Variants in GSE1 observed in about 807,000 individuals in gnomAD.
GSE1 encodes Gse1 coiled-coil protein, also known as genetic suppressor element 1.
In GSE1, 32 loss-of-function variants were observed where a neutral mutation model predicts 112.6. The observed-to-expected ratio is 0.28, with a 90% CI of 0.21 to 0.38. The LOEUF (loss-of-function observed/expected upper bound fraction) is 0.38. Among genes scored for constraint, GSE1 ranks in the 10% least tolerant of loss-of-function variants. GSE1 has a pLI of 1.00. For missense variants in GSE1, 2,348 were observed against 1,699.2 expected, an observed-to-expected ratio of 1.38 and a Z score of -6.71; for synonymous variants, 1,115 against 735.6, an observed-to-expected ratio of 1.52 and a Z score of -8.35.
intron 2 of GSE1, among the ~76,000 whole-genome samples, chr16:85,424,331 A>G (rs913446590): frequency 3.3e-5 from 5 of 152,326 alleles, no homozygotes; most frequent in African/African-American, 1.2e-4. Context: ...GTCGCCGCTT[A>G]AAACATTTCA....
intron 1 of GSE1, among the ~76,000 whole-genome samples, chr16:85,236,465 C>T (rs995098952): frequency 6.6e-6 from 1 of 152,198 alleles, no homozygotes; most frequent in Non-Finnish European, 1.5e-5. Flanking sequence ...TAGGAATGAG[C>T]GGAGGCAAGC....
chr16:85,636,303 G>C (rs564377106), intron 2 of GSE1, among the ~76,000 whole-genome samples: 1 of 152,358 alleles, frequency 6.6e-6, no homozygotes, highest in South Asian at 2.1e-4. Context: ...CTATTGAGCT[G>C]GGAATGCCAA....
intron 1 of GSE1, among the ~76,000 whole-genome samples, chr16:85,298,863 G>T (rs565378655): frequency 1.3e-5 from 2 of 152,366 alleles, no homozygotes; most frequent in Admixed American, 6.5e-5. Context: ...GAGTGGGTGT[G>T]GGGGAGCATA....
chr16:85,374,335 CTGTG>C (rs1344563694), intron 2 of GSE1, among the ~76,000 whole-genome samples: 8 of 112,158 alleles, frequency 7.1e-5, no homozygotes, highest in African/African-American at 2.2e-4. Context: ...CAGTGTGCCT[CTGTG>C]TGGTCGCGCG....
intron 1 of GSE1, among the ~76,000 whole-genome samples, chr16:85,249,376 C>T (rs1422871513): frequency 6.6e-6 from 1 of 152,248 alleles, no homozygotes; most frequent in East Asian, 1.9e-4. Flanking sequence ...GACTGTGGCA[C>T]TTGCGGAGGC....
intron 2 of GSE1, among the ~76,000 whole-genome samples, chr16:85,533,383 G>A (rs111393639): frequency 1.3e-5 from 2 of 152,048 alleles, no homozygotes; most frequent in Non-Finnish European, 1.5e-5. Context: ...TCGCACCATT[G>A]CACTCCAGCC....
In GSE1 at chr16:85,616,994, T is replaced by A. The variant is rs537228391; in HGVS notation, c.7+3596T>A. Among the ~76,000 whole-genome samples the A allele has an allele frequency of 9.2e-5, 14 of 152,166 alleles. No homozygotes were observed. The East Asian group carries it at 2.5e-3, about 27-fold the overall frequency. ...TTAATCTTGCTTCTGCAGCTCTGAT[T>A]CCCCACCAGCCTCTTCTCTCACGCC... On this transcript the variant is annotated intron_variant, in intron 1 of 15. Coordinates refer to ENST00000253458, the MANE Select transcript of GSE1 (RefSeq NM_014615.5).
chr16:85,226,385 GA>G (rs1301132730), intron 1 of GSE1, among the ~76,000 whole-genome samples: 1 of 152,150 alleles, frequency 6.6e-6, no homozygotes, highest in Non-Finnish European at 1.5e-5. Flanking sequence ...TTGATTTAAG[GA>G]AAATTATGAA....
At chr16:85,648,083 G>C (rs1258733849) in intron 2 of GSE1, among the ~76,000 whole-genome samples, 4 of 150,898 alleles carry the variant, frequency 2.7e-5, no homozygotes, top group Admixed American at 2.0e-4. Context: ...GTGTGGCCCA[G>C]CTGGCCTGTG....
chr16:85,480,940 C>G (rs962273498), intron 2 of GSE1, among the ~76,000 whole-genome samples: 1 of 152,230 alleles, frequency 6.6e-6, no homozygotes, highest in African/African-American at 2.4e-5. Context: ...GGGAGCAGCG[C>G]GTGCAGAACC....
intron 1 of GSE1, among the ~76,000 whole-genome samples, chr16:85,591,343 A>G (rs940182685): frequency 5.3e-5 from 8 of 152,222 alleles, no homozygotes; most frequent in African/African-American, 1.7e-4. Flanking sequence ...AGCCTGAATT[A>G]GAACTGAGGG....
At chr16:85,526,797 A>C (rs945521367) in intron 2 of GSE1, among the ~76,000 whole-genome samples, 3 of 152,230 alleles carry the variant, frequency 2.0e-5, no homozygotes. Flanking sequence ...ACCAGAGCCG[A>C]TAATTAGCTT....
upstream of GSE1, among the ~76,000 whole-genome samples, chr16:85,612,321 T>G (rs1055184169): frequency 1.1e-4 from 17 of 151,832 alleles, no homozygotes; most frequent in Admixed American, 5.9e-4. Flanking sequence ...CCGCGCCGCC[T>G]GTGGGTGCCC....
intron 1 of GSE1, among the ~76,000 whole-genome samples, chr16:85,203,395 A>G (rs1418969854): frequency 6.6e-6 from 1 of 152,152 alleles, no homozygotes; most frequent in Non-Finnish European, 1.5e-5. Context: ...CCCTGGCAAC[A>G]GTGGTGAGCG....
At chr16:85,255,320 C>A (rs1175311089) in intron 1 of GSE1, among the ~76,000 whole-genome samples, 1 of 152,178 alleles carries the variant, frequency 6.6e-6, no homozygotes, top group African/African-American at 2.4e-5. Context: ...GCCTGACCCG[C>A]TGCCTTCTGG....
chr16:85,426,876 A>G (rs1350578533), intron 2 of GSE1, among the ~76,000 whole-genome samples: 1 of 152,074 alleles, frequency 6.6e-6, no homozygotes, highest in Non-Finnish European at 1.5e-5. Flanking sequence ...TTTTGTAGGG[A>G]GAAGTGCTTG....
intron 2 of GSE1, among the ~76,000 whole-genome samples, chr16:85,538,533 A>T (rs138809478): frequency 6.6e-6 from 1 of 152,146 alleles, no homozygotes; most frequent in Admixed American, 6.5e-5. Flanking sequence ...CTTTTCTCTG[A>T]CGGTGCTTGT....
At chr16:85,428,546 T>G (rs1421666491) in intron 2 of GSE1, among the ~76,000 whole-genome samples, 1 of 152,194 alleles carries the variant, frequency 6.6e-6, no homozygotes, top group Non-Finnish European at 1.5e-5. Flanking sequence ...TGCTAGCAGT[T>G]TATTCCCCTG....
At chr16:85,626,653 G>C (rs549243050) in intron 1 of GSE1, among the ~76,000 whole-genome samples, 25 of 152,324 alleles carry the variant, frequency 1.6e-4, no homozygotes, top group African/African-American at 5.8e-4. Context: ...CTTGAACCGG[G>C]ACCCAGCAGA....
Sources: allele counts gnomAD v4.1 joint callset (sites outside exome capture counted in the v4.1 genomes callset), GRCh38; gene constraint gnomAD v4.1.1; transcripts MANE v1.5; gene names NCBI Gene and HGNC (gene_info 2026-07-23, HGNC 2026-07-21).